Variants in PTBP1 observed in about 807,000 individuals in gnomAD.
The protein encoded by PTBP1 is polypyrimidine tract-binding protein 1.
PTBP1 carries 8 observed loss-of-function variants against 59.8 expected under a neutral mutation model. The observed-to-expected ratio is 0.13, with a 90% CI of 0.08 to 0.24. The LOEUF is 0.24. PTBP1 is among the 10% of genes least tolerant of loss of function. PTBP1 has a pLI of 1.00. For missense variants in PTBP1, 686 were observed against 767.0 expected (o/e 0.89, Z 1.25); for synonymous variants, 490 against 320.7 (o/e 1.53, Z -5.64).
At position 808,130 on chromosome 19, in the gene PTBP1, A is replaced by T. The variant is rs1568273766; in HGVS notation, c.1153+228A>T. Reference sequence around the variant, plus strand: ...GTTAGACCTGTCGGTGGCATATGCCACCGTGGCCACCCGCTGGCAGCTTAC... The same window carrying T: ...GTTAGACCTGTCGGTGGCATATGCCTCCGTGGCCACCCGCTGGCAGCTTAC... On this transcript the variant is annotated intron_variant, in intron 11 of 14. Transcript: ENST00000356948. This position sits in a 1 kb window ranked among gnomAD's most constrained non-coding sequence, Gnocchi z 4.7. 4 of 628,946 alleles carry T rather than the reference A, an allele frequency of 6.4e-6. No individual in the cohort carries two copies. Among genetic ancestry groups the T allele is most frequent in the African/African-American group, 1.8e-5 (1 of 54,306 alleles). The allele number at this position is 628,946 out of a possible 1,614,324, so 39.0% of individuals were successfully genotyped here. A position where few individuals can be genotyped will look rare whatever the true frequency, so the allele number is the denominator to read the frequency against.
intron 11 of PTBP1, 72 bp downstream of exon 11, chr19:807,974 T>TA: frequency 1.4e-6 from 2 of 1,422,372 alleles, no homozygotes; most frequent in East Asian, 4.5e-5. Flanking sequence ...TGAGACGTAT[T>TA]ATGAGTTTGC....
intron 2 of PTBP1, among the ~76,000 whole-genome samples, chr19:800,551 G>A (rs1428232060): frequency 6.6e-6 from 1 of 152,190 alleles, no homozygotes; most frequent in Non-Finnish European, 1.5e-5. Context: ...CCCGCAGGGC[G>A]AGCCCACAGT....
In PTBP1 at chr19:808,987, G is replaced by A. The variant is rs184046208; in HGVS notation, c.1463+225G>A. On this transcript the variant is annotated intron_variant, in intron 13 of 14. Coordinates refer to ENST00000356948, the MANE Select transcript of PTBP1 (RefSeq NM_002819.5). The surrounding 1 kb of genome is among the most constrained non-coding windows in gnomAD (Gnocchi z 4.7). Reference sequence around the variant, plus strand: ...TTTTGGCTCAGGGGATGCTCCCTGTGAGAATGTATAATGCACACATTTATT... The same window carrying A: ...TTTTGGCTCAGGGGATGCTCCCTGTAAGAATGTATAATGCACACATTTATT... Among the ~76,000 whole-genome samples the A allele has an allele frequency of 9.7e-4, 147 of 152,210 alleles. No homozygotes were observed. The highest frequency in any genetic ancestry group is 6.5e-4 in the Non-Finnish European group (44 of 67,976).
In PTBP1 at chr19:805,475, GTC is replaced by G; in HGVS notation, c.893-14_893-13del. 2 of 1,606,452 alleles carry G rather than the reference GTC, an allele frequency of 1.2e-6. No individual in the cohort carries two copies. The highest frequency in any genetic ancestry group is 1.1e-5 in the South Asian group (1 of 90,922). On this transcript the variant is annotated splice_polypyrimidine_tract_variant and intron_variant, in intron 8 of 14. Transcript: ENST00000356948. ...GGAGGTTGTGGGTGCGATGATTAGT[GTC>G]TCATTTATTTCTAGGTGCACCTGGT...
At chr19:798,710 G>A (rs2034191977) in intron 1 of PTBP1, among the ~76,000 whole-genome samples, 1 of 152,240 alleles carries the variant, frequency 6.6e-6, no homozygotes, top group Admixed American at 6.5e-5. Context: ...TGCAGTGGCC[G>A]GGAGAAGCCG....
Position 806,458 on chromosome 19 carries a change from T to A in PTBP1, c.1021T>A (p.Ser341Thr). ...HGALAPLAIPSAAAAAAAAGR... is the reference protein window; with the variant it reads ...HGALAPLAIPTAAAAAAAAGR... Reference sequence around the variant, plus strand: ...CGCCCTGGCCCCCCTGGCCATCCCCTCGGCGGCGGCGGCAGCTGCGGCGGC... The same window carrying A: ...CGCCCTGGCCCCCCTGGCCATCCCCACGGCGGCGGCGGCAGCTGCGGCGGC... Residue 341 changes from serine (S) to threonine (T), a missense_variant, in exon 10 of 15, where the codon TCG (serine) becomes ACG (threonine). By Grantham distance (58) the Ser-to-Thr change is moderately conservative. Transcript: ENST00000356948. 1.3e-6 allele frequency: 2 copies of A among 1,598,070 alleles called. No homozygotes were observed. Among genetic ancestry groups the A allele is most frequent in the Non-Finnish European group, 1.7e-6 (2 of 1,172,932 alleles).
In PTBP1 at chr19:804,078, G is replaced by A. The variant is rs761495007; in HGVS notation, c.158G>A (p.Ser53Asn). Reference protein sequence around the residue: ...DSKKFKGDSRSAGVPSRVIHI... With the variant: ...DSKKFKGDSRNAGVPSRVIHI... ...AAGAAGTTCAAAGGTGACAGCCGAA[G>A]TGCAGGCGTCCCCTCTAGAGTGATC... is the stretch of plus-strand genomic sequence containing the variant. The change falls in exon 4 of 15, where the codon AGT (serine) becomes AAT (asparagine). Residue 53 changes from serine (S) to asparagine (N), a missense_variant. By Grantham distance (46) the Ser-to-Asn change is conservative. Transcript: ENST00000356948. The A allele has an allele frequency of 3.1e-6, 5 of 1,614,058 alleles. No individual in the cohort carries two copies. The highest frequency in any genetic ancestry group is 4.2e-6 in the Non-Finnish European group (5 of 1,179,990).
At chr19:801,000 C>T (rs1166029274) in intron 2 of PTBP1, among the ~76,000 whole-genome samples, 1 of 152,016 alleles carries the variant, frequency 6.6e-6, no homozygotes, top group Non-Finnish European at 1.5e-5. Flanking sequence ...AGTACCCTGA[C>T]CCAGATGATA....
chr19:808,864 C>G lies in PTBP1; in HGVS notation c.1463+102C>G. ...GTGGACTTCTGGCGTTTCCAGAGTG[C>G]AGGTCGGGCACCTCTTACCCCAAAC... On this transcript the variant is annotated intron_variant, in intron 13 of 14. Coordinates refer to ENST00000356948, the MANE Select transcript of PTBP1 (RefSeq NM_002819.5). The surrounding 1 kb of genome is among the most constrained non-coding windows in gnomAD (Gnocchi z 4.7). 1 of 1,142,684 alleles carries G rather than the reference C, an allele frequency of 8.8e-7. No homozygotes were observed. 70.8% of individuals were successfully genotyped at this position (1,142,684 alleles called of 1,614,324 possible). A position where few individuals can be genotyped will look rare whatever the true frequency, so the allele number is the denominator to read the frequency against.
chr19:803,520 C>CTGGTG (rs2034428684), intron 2 of PTBP1, 41 bp from the exon 3 acceptor site: 1 of 1,574,236 alleles, frequency 6.4e-7, no homozygotes, highest in Non-Finnish European at 8.7e-7. Context: ...AGGCTCTGGC[C>CTGGTG]TGGTGGGAAG....
In PTBP1 at chr19:805,142, G is replaced by A; in HGVS notation, c.847G>A (p.Gly283Arg). The stretch of plus-strand genomic sequence containing the variant: ...CTACACACGCCCAGACCTGCCTTCC[G>A]GGGACAGCCAGCCCTCGCTGGACCA... ...RDYTRPDLPS[G>R]DSQPSLDQTM... The change falls in exon 8 of 15, where the codon GGG (glycine) becomes AGG (arginine). Residue 283 changes from glycine (G) to arginine (R), a missense_variant. By Grantham distance (125) the Gly-to-Arg change is moderately radical. Coordinates refer to ENST00000356948, the MANE Select transcript of PTBP1 (RefSeq NM_002819.5). 1.9e-6 allele frequency: 3 copies of A among 1,613,726 alleles called. No individual in the cohort carries two copies. The highest frequency in any genetic ancestry group is 1.7e-6 in the Non-Finnish European group (2 of 1,179,872).
intron 2 of PTBP1, 84 bp from the exon 3 acceptor site, chr19:803,477 C>G (rs1044301970): frequency 6.6e-6 from 8 of 1,210,428 alleles, no homozygotes; most frequent in Middle Eastern, 1.9e-4. Context: ...CCAGGCAGCC[C>G]AAGTGGGAGC....
At position 804,542 on chromosome 19, in the gene PTBP1, C is replaced by T. The variant is rs759403032; in HGVS notation, c.446C>T (p.Ala149Val). 2 of 1,602,826 alleles carry T rather than the reference C, an allele frequency of 1.2e-6. No homozygotes were observed. Among genetic ancestry groups the T allele is most frequent in the South Asian group, 1.1e-5 (1 of 90,476 alleles). Reference sequence around the variant, plus strand: ...CTGTGCCTCCCACAGCGGGCCCAGGCGGCCCTGCAGGCGGTGAACTCGGTC... The same window carrying T: ...CTGTGCCTCCCACAGCGGGCCCAGGTGGCCCTGCAGGCGGTGAACTCGGTC... ...DSSPNQARAQAALQAVNSVQS... is the reference protein window; with the variant it reads ...DSSPNQARAQVALQAVNSVQS... The change falls in exon 6 of 15, where the codon GCG becomes GTG. Residue 149 changes from alanine to valine, a missense_variant. Transcript: ENST00000356948.
intron 9 of PTBP1, 174 bp from the exon 10 acceptor site, chr19:806,234 C>CGGGTGGCTGTGCGG (rs2034566218): frequency 1.6e-6 from 1 of 613,734 alleles, no homozygotes; most frequent in Non-Finnish European, 2.6e-6. Flanking sequence ...CAGGAGCCGG[C>CGGGTGGCTGTGCGG]GGGTGGCTGT....
chr19:802,063 G>A (rs1231074261), intron 2 of PTBP1, among the ~76,000 whole-genome samples: 1 of 152,190 alleles, frequency 6.6e-6, no homozygotes, highest in Non-Finnish European at 1.5e-5. Context: ...TCCTGGTTCC[G>A]GCCCTTGTGG....
In PTBP1 at chr19:808,340, C is replaced by T. The variant is rs1274781312; in HGVS notation, c.1154-20C>T. Reference sequence around the variant, plus strand: ...GGGCAGGCAGCAGGAGACTCAGGCCCCATCCCTGGGCTTTTGAAGGCGTCT... The same window carrying T: ...GGGCAGGCAGCAGGAGACTCAGGCCTCATCCCTGGGCTTTTGAAGGCGTCT... On this transcript the variant is annotated intron_variant, in intron 11 of 14. Transcript: ENST00000356948. The surrounding 1 kb of genome is among the most constrained non-coding windows in gnomAD (Gnocchi z 4.7). The T allele has an allele frequency of 3.2e-6, 5 of 1,575,048 alleles. No individual in the cohort carries two copies. Among genetic ancestry groups the T allele is most frequent in the Non-Finnish European group, 4.3e-6 (5 of 1,160,072 alleles).
At position 807,881 on chromosome 19, in the gene PTBP1, C is replaced by T; in HGVS notation, c.1132C>T (p.Gln378Ter). The T allele has an allele frequency of 6.2e-7, 1 of 1,613,696 alleles. No homozygotes were observed. The highest frequency in any genetic ancestry group is 8.5e-7 in the Non-Finnish European group (1 of 1,179,622). Residue 378 changes from glutamine (Q) to a stop codon, truncating the protein, a stop_gained, in exon 11 of 15, where the codon CAA (glutamine) becomes TAA (stop). Coordinates refer to ENST00000356948, the MANE Select transcript of PTBP1 (RefSeq NM_002819.5). LOFTEE classifies it high-confidence loss of function. ...SNLNPERVTP[Q>*]SLFILFGVYG... is the part of the protein sequence containing the mutation. ...GCTGTCTCTAAAGAGAGTCACACCC[C>T]AAAGCCTCTTTATTCTTTTCGGTAT...
rs1379190510 is a variant in PTBP1 at position 810,701 on chromosome 19, C to T, written c.1549C>T (p.Arg517Cys). Residue 517 changes from arginine (R) to cysteine (C), a missense_variant, in exon 15 of 15, where the codon CGC (arginine) becomes TGC (cysteine). Transcript: ENST00000356948. ...VKGFKFFQKDRKMALIQMGSV... is the reference protein window; with the variant it reads ...VKGFKFFQKDCKMALIQMGSV... Reference sequence around the variant, plus strand: ...TGACCCCCTGTCTTGCAGGAAGGACCGCAAGATGGCACTGATCCAGATGGG... The same window carrying T: ...TGACCCCCTGTCTTGCAGGAAGGACTGCAAGATGGCACTGATCCAGATGGG... 4 of 1,611,802 alleles carry T rather than the reference C, an allele frequency of 2.5e-6. No individual in the cohort carries two copies. The highest frequency in any genetic ancestry group is 1.3e-5 in the African/African-American group (1 of 74,914).
chr19:810,149 A>G (rs2034787201), intron 13 of PTBP1, among the ~76,000 whole-genome samples: 1 of 152,242 alleles, frequency 6.6e-6, no homozygotes, highest in Non-Finnish European at 1.5e-5. Flanking sequence ...TCTACTAAAA[A>G]TAAAAAAATT....
Sources: allele counts gnomAD v4.1 joint callset (sites outside exome capture counted in the v4.1 genomes callset), GRCh38; gene constraint gnomAD v4.1.1; non-coding constraint Gnocchi (gnomAD v3.1); transcripts MANE v1.5; gene names NCBI Gene and HGNC (gene_info 2026-07-23, HGNC 2026-07-21).